The following CUX1 variants were observed in gnomAD, a reference collection of about 807,000 sequenced individuals.
CUX1 encodes cut like homeobox 1.
Under a neutral mutation model 158.8 loss-of-function variants are expected in CUX1, and 31 were observed. The observed-to-expected ratio is 0.20, with a 90% CI of 0.15 to 0.26. The LOEUF (loss-of-function observed/expected upper bound fraction) is 0.26, where lower values mean the gene tolerates loss of function less well. Ranked by LOEUF, CUX1 falls within the 10% of genes least tolerant of loss-of-function variation. The pLI is 1.00. For missense variants in CUX1, 1,589 were observed against 2,014.6 expected (o/e 0.79, Z 4.04); for synonymous variants, 879 against 862.1 (o/e 1.02, Z -0.34).
At chr7:102,127,879 GCT>G (rs1832819218) in intron 8 of CUX1, among the ~76,000 whole-genome samples, 1 of 151,958 alleles carries the variant, frequency 6.6e-6, no homozygotes, top group African/African-American at 2.4e-5. Flanking sequence ...ACGGAGTCCT[GCT>G]CTGTCACCCA....
At chr7:101,990,221 C>T (rs1040806307) in intron 2 of CUX1, among the ~76,000 whole-genome samples, 1 of 151,840 alleles carries the variant, frequency 6.6e-6, no homozygotes, top group Non-Finnish European at 1.5e-5. Context: ...TTTAAATTAG[C>T]TGGGCGTGGT....
intron 5 of CUX1, among the ~76,000 whole-genome samples, chr7:102,103,780 G>A (rs911645742): frequency 1.1e-4 from 16 of 151,228 alleles, no homozygotes; most frequent in African/African-American, 3.6e-4. Flanking sequence ...TGTAATTTGT[G>A]TGGGTACATA....
chr7:102,089,957 T>C (rs1362568456), intron 4 of CUX1, among the ~76,000 whole-genome samples: 1 of 152,224 alleles, frequency 6.6e-6, no homozygotes, highest in African/African-American at 2.4e-5. Flanking sequence ...AGGGAAGTCT[T>C]GTTCCACCAG....
intron 8 of CUX1, among the ~76,000 whole-genome samples, chr7:102,134,597 A>G (rs1392873402): frequency 8.6e-5 from 13 of 152,036 alleles, no homozygotes; most frequent in African/African-American, 2.2e-4. Flanking sequence ...ACAGTGCCAC[A>G]TGACTTTTTA....
In CUX1 at chr7:102,256,314, GAAAAA is replaced by G. The variant is rs1205905972; in HGVS notation, c.*7278_*7282del. On this transcript the variant is annotated 3_prime_UTR_variant, in exon 24 of 24. Coordinates refer to ENST00000292535, the MANE Select transcript of CUX1 (RefSeq NM_181552.4). The stretch of plus-strand genomic sequence containing the variant: ...TGATTATAAAAGGATGTTTCCTTGA[GAAAAA>G]AAAAATTATTTCTATCCTCTTCTAT... 1.1e-6 allele frequency: 1 copy of G among 945,480 alleles called. No homozygotes were observed. The highest frequency in any genetic ancestry group is 1.3e-6 in the Non-Finnish European group (1 of 795,050). The allele number at this position is 945,480 out of a possible 1,614,324, so 58.6% of individuals were successfully genotyped here.
intron 2 of CUX1, among the ~76,000 whole-genome samples, chr7:101,919,423 G>A (rs1208024284): frequency 1.3e-5 from 2 of 152,198 alleles, no homozygotes; most frequent in Non-Finnish European, 1.5e-5. Context: ...TGTTGCATGT[G>A]TAGAAACGAG....
rs533434301 is a variant in CUX1, at chr7:101,916,912, A to G, written c.141+687A>G. Among the ~76,000 whole-genome samples the G allele has an allele frequency of 6.7e-6, 1 of 149,786 alleles. No individual in the cohort carries two copies. The highest frequency in any genetic ancestry group is 1.5e-5 in the Non-Finnish European group (1 of 67,278). On this transcript the variant is annotated intron_variant, in intron 2 of 23. Transcript: ENST00000292535. The surrounding 1 kb of genome is among the most constrained non-coding windows in gnomAD (Gnocchi z 4.4). ...CAACCCTATCAGGGGCTTACTAAGA[A>G]AAAAAAAAAAACATCCAAGCGTGTT...
intron 20 of CUX1, among the ~76,000 whole-genome samples, chr7:102,218,016 A>G (rs1216726005): frequency 6.6e-6 from 1 of 152,182 alleles, no homozygotes; most frequent in Non-Finnish European, 1.5e-5. Flanking sequence ...AGAGGAGCTC[A>G]TGGTTGACTT....
In CUX1 at chr7:101,984,115, TATATATATATATATACACACAC is replaced by T. The variant is rs1389924983; in HGVS notation, c.142-43981_142-43960del. Among the ~76,000 whole-genome samples, 196 of 47,432 alleles carry T rather than the reference TATATATATATATATACACACAC, an allele frequency of 4.1e-3. 19 individuals carry two copies. Among genetic ancestry groups the T allele is most frequent in the South Asian group, 0.035 (50 of 1,436 alleles). 31.1% of individuals were successfully genotyped at this position (47,432 alleles called of 152,430 possible). A position where few individuals can be genotyped will look rare whatever the true frequency, so the allele number is the denominator to read the frequency against. ...ATATATATATATATATATATATATA[TATATATATATATATACACACAC>T]ACATATATATATGTGTGTGTGTGTG... On this transcript the variant is annotated intron_variant, in intron 2 of 23. Transcript: ENST00000292535.
intron 3 of CUX1, among the ~76,000 whole-genome samples, 171 bp from the exon 4 acceptor site, chr7:102,070,168 C>G (rs999746734): frequency 5.3e-5 from 8 of 152,196 alleles, no homozygotes; most frequent in Non-Finnish European, 1.0e-4. Context: ...TGTTTACCTT[C>G]ATGAACAGGG....
At position 102,252,161 on chromosome 7, in the gene CUX1, G is replaced by T; in HGVS notation, c.*3119G>T. ...ATAGAGATCCTAACCTTAGATCTTT[G>T]ATGTGAAGCTAGCACTGTCTGTAAT... On this transcript the variant is annotated 3_prime_UTR_variant, in exon 24 of 24. Transcript: ENST00000292535. 1.0e-6 allele frequency: 1 copy of T among 985,122 alleles called. No homozygotes were observed. Among genetic ancestry groups the T allele is most frequent in the Non-Finnish European group, 1.2e-6 (1 of 829,842 alleles). 61.0% of individuals were successfully genotyped at this position (985,122 alleles called of 1,614,324 possible). A position where few individuals can be genotyped will look rare whatever the true frequency, so the allele number is the denominator to read the frequency against.
intron 23 of CUX1, among the ~76,000 whole-genome samples, chr7:102,243,522 G>C (rs537011416): frequency 6.6e-6 from 1 of 151,624 alleles, no homozygotes; most frequent in Non-Finnish European, 1.5e-5. Flanking sequence ...ACGAGGGGCC[G>C]AGCACAGTGG....
rs560684861 is a variant in CUX1, at chr7:101,968,500, G to A, written c.141+52275G>A. ...TGCAGTGGCGCGATCTTGGCTCACCGCAGCCTCCGTCTCCCAGGTTCAAGT... is the reference window on the plus strand; with the variant it reads ...TGCAGTGGCGCGATCTTGGCTCACCACAGCCTCCGTCTCCCAGGTTCAAGT... On this transcript the variant is annotated intron_variant, in intron 2 of 23. Coordinates refer to ENST00000292535, the MANE Select transcript of CUX1 (RefSeq NM_181552.4). 3.9e-5 allele frequency among the ~76,000 whole-genome samples: 6 copies of A among 152,252 alleles called. No individual in the cohort carries two copies. In the East Asian group the frequency reaches 7.8e-4, roughly 20 times the overall value.
At position 102,216,598 on chromosome 7, in the gene CUX1, C is replaced by CCACACA. The variant is rs782225410; in HGVS notation, c.3131-10757_3131-10752dup. On this transcript the variant is annotated intron_variant, in intron 20 of 23. Coordinates refer to ENST00000292535, the MANE Select transcript of CUX1 (RefSeq NM_181552.4). Reference sequence around the variant, plus strand: ...CACACACTCTCCCACACACACACTCCCACACACACACACACACTCCCCACA... The same window carrying CCACACA: ...CACACACTCTCCCACACACACACTCCCACACACACACACACACACACACTCCCCACA... 3.8e-4 allele frequency among the ~76,000 whole-genome samples: 11 copies of CCACACA among 29,188 alleles called. 1 individual carries two copies. The highest frequency in any genetic ancestry group is 6.5e-4 in the African/African-American group (7 of 10,708). 19.1% of individuals were successfully genotyped at this position (29,188 alleles called of 152,430 possible). A position where few individuals can be genotyped will look rare whatever the true frequency, so the allele number is the denominator to read the frequency against.
intron 1 of CUX1, among the ~76,000 whole-genome samples, chr7:101,847,071 G>A (rs1198351336): frequency 1.3e-5 from 2 of 152,156 alleles, no homozygotes; most frequent in Admixed American, 1.3e-4. Context: ...TGGAGCCCAG[G>A]AGTTCGCGGC....
At chr7:101,955,994 A>G (rs1436839531) in intron 2 of CUX1, among the ~76,000 whole-genome samples, 3 of 152,060 alleles carry the variant, frequency 2.0e-5, no homozygotes, top group Non-Finnish European at 4.4e-5. Context: ...CATCCTGGCT[A>G]ACACGGTGAA....
chr7:101,840,575 G>T (rs1037294166), intron 1 of CUX1, among the ~76,000 whole-genome samples: 2 of 152,086 alleles, frequency 1.3e-5, no homozygotes, highest in African/African-American at 2.4e-5. Flanking sequence ...TGCTTTCTGG[G>T]ATAAACTCTT....
At chr7:101,997,510 C>A (rs112108082) in intron 2 of CUX1, among the ~76,000 whole-genome samples, 6,195 of 151,964 alleles carry the variant, frequency 0.041, 489 homozygotes, top group African/African-American at 0.14. Flanking sequence ...CGCCTGGCTA[C>A]TTTTTGTATT....
At chr7:102,058,328 C>G (rs775781181) in intron 3 of CUX1, among the ~76,000 whole-genome samples, 1 of 152,172 alleles carries the variant, frequency 6.6e-6, no homozygotes, top group Non-Finnish European at 1.5e-5. Context: ...GGCTGGAGTA[C>G]AGTGGCACAA....
Sources: gnomAD v4.1 joint callset for allele counts (sites outside exome capture counted in the v4.1 genomes callset) on GRCh38, gnomAD v4.1.1 for gene constraint, Gnocchi (gnomAD v3.1) non-coding constraint, MANE v1.5 for transcripts, NCBI Gene and HGNC (gene_info 2026-07-23, HGNC 2026-07-21) for gene names.